Variants in RAB11FIP5 observed in about 807,000 individuals in gnomAD.
RAB11FIP5 encodes the protein rab11 family-interacting protein 5.
A neutral mutation model predicts 85.1 loss-of-function variants in RAB11FIP5; 48 were observed. The observed-to-expected ratio is 0.56, with a 90% confidence interval of 0.45 to 0.72. RAB11FIP5 has a LOEUF of 0.72. Ranked by LOEUF, RAB11FIP5 falls within the 30% of genes least tolerant of loss-of-function variation. The pLI is 0.00. For missense variants in RAB11FIP5, 1,491 were observed against 1,687.0 expected, an observed-to-expected ratio of 0.88 and a Z score of 2.04; for synonymous variants, 729 against 727.3, an observed-to-expected ratio of 1.00 and a Z score of -0.04.
In RAB11FIP5 at chr2:73,076,078, T is replaced by C. The variant is rs1161170232; in HGVS notation, c.3686A>G (p.Lys1229Arg). The C allele has an allele frequency of 1.2e-6, 2 of 1,614,050 alleles. No individual in the cohort carries two copies. The highest frequency in any genetic ancestry group is 2.7e-5 in the African/African-American group (2 of 74,948). ...GCTCCCAGATGTGACTGTTTTGAGC[T>C]TCTCCAGCCCACTGCTCAGGGCTAT... ...LSIALSSGLEKLKTVTSGSIQ... is the reference protein window; with the variant it reads ...LSIALSSGLERLKTVTSGSIQ... The change falls in exon 5 of 6, where the codon AAG (lysine) becomes AGG (arginine). Residue 1229 changes from lysine (K) to arginine (R), a missense_variant. Physicochemically the swap from Lys to Arg is conservative, Grantham distance 26 (BLOSUM62 2). Around this residue, in one of 3 missense-constraint regions of RAB11FIP5, gnomAD observed 232 missense variants for 259.1 expected, o/e 0.90. Coordinates refer to ENST00000486777, the MANE Select transcript of RAB11FIP5 (RefSeq NM_001371272.1).
At position 73,081,777 on chromosome 2, in the gene RAB11FIP5, G is replaced by C. The variant is rs1432293298; in HGVS notation, c.1569-114C>G. 5.3e-5 allele frequency: 54 copies of C among 1,027,802 alleles called. No homozygotes were observed. Among genetic ancestry groups the C allele is most frequent in the Non-Finnish European group, 6.5e-5 (52 of 802,814 alleles). The allele number at this position is 1,027,802 out of a possible 1,614,324, so 63.7% of individuals were successfully genotyped here. ...ACCAGGGGCCATAACACACACATAGGCTGGATTTACCTACTTGGGCCAGGG... is the reference window on the plus strand; with the variant it reads ...ACCAGGGGCCATAACACACACATAGCCTGGATTTACCTACTTGGGCCAGGG... On this transcript the variant is annotated intron_variant, in intron 3 of 5. Transcript: ENST00000486777. The surrounding 1 kb of genome is among the most constrained non-coding windows in gnomAD (Gnocchi z 4.2).
intron 3 of RAB11FIP5, 131 bp downstream of exon 3, chr2:73,087,919 C>T (rs1684119199): frequency 1.1e-6 from 1 of 898,244 alleles, no homozygotes; most frequent in Non-Finnish European, 1.7e-6. Context: ...CCCCACTAAA[C>T]CATGCAAAGC....
Position 73,088,990 on chromosome 2 carries a change from C to T in RAB11FIP5, c.757G>A (p.Gly253Ser). The T allele has an allele frequency of 1.9e-6, 3 of 1,614,206 alleles. No homozygotes were observed. Among genetic ancestry groups the T allele is most frequent in the Non-Finnish European group, 2.5e-6 (3 of 1,180,040 alleles). ...GCTGAGGACAGGGTGCTGTCCGAGC[C>T]CAGCGAGGTGTTGGACTGGGTCAGG... is the stretch of plus-strand genomic sequence containing the variant. ...SSLTQSNTSL[G>S]SDSTLSSASG... The change falls in exon 2 of 6, where the codon GGC becomes AGC. Residue 253 changes from glycine to serine, a missense_variant. Gly to Ser is a moderately conservative substitution (Grantham distance 56). This residue lies in a region of RAB11FIP5 where 1,211 missense variants were observed against 1,338.0 expected (regional missense o/e 0.91). Coordinates refer to ENST00000486777, the MANE Select transcript of RAB11FIP5 (RefSeq NM_001371272.1).
intron 1 of RAB11FIP5, among the ~76,000 whole-genome samples, chr2:73,093,949 C>T (rs1265643573): frequency 1.3e-5 from 2 of 152,052 alleles, no homozygotes; most frequent in Non-Finnish European, 2.9e-5. Flanking sequence ...GGCGAAACCC[C>T]GTGTCTACTA....
chr2:73,097,848 G>A (rs956422595), intron 1 of RAB11FIP5, among the ~76,000 whole-genome samples: 14 of 152,184 alleles, frequency 9.2e-5, no homozygotes, highest in African/African-American at 3.1e-4. Flanking sequence ...GATGTGGGAC[G>A]CATCCAGCTT....
In RAB11FIP5 at chr2:73,088,560, C is replaced by G; in HGVS notation, c.1058G>C (p.Arg353Pro). 1 of 1,613,904 alleles carries G rather than the reference C, an allele frequency of 6.2e-7. No individual in the cohort carries two copies. Among genetic ancestry groups the G allele is most frequent in the Non-Finnish European group, 8.5e-7 (1 of 1,180,046 alleles). ...IYNEEPQGPV[R>P]HRSSISGSLP... Reference sequence around the variant, plus strand: ...CGAGCCCGAGATGGAGCTGCGGTGCCGCACAGGGCCCTGGGGCTCCTCATT... The same window carrying G: ...CGAGCCCGAGATGGAGCTGCGGTGCGGCACAGGGCCCTGGGGCTCCTCATT... The change falls in exon 3 of 6, where the codon CGG becomes CCG. Residue 353 changes from arginine to proline, a missense_variant. This residue lies in a region of RAB11FIP5 where 1,211 missense variants were observed against 1,338.0 expected (regional missense o/e 0.91). Coordinates refer to ENST00000486777, the MANE Select transcript of RAB11FIP5 (RefSeq NM_001371272.1).
rs1187057381 is a variant in RAB11FIP5, at chr2:73,112,876, G to C, written c.-99C>G. On this transcript the variant is annotated 5_prime_UTR_variant, in exon 1 of 6. Coordinates refer to ENST00000486777, the MANE Select transcript of RAB11FIP5 (RefSeq NM_001371272.1). The stretch of plus-strand genomic sequence containing the variant: ...CAGAAGGCGGTCAGGAACCAACTCT[G>C]AGCGCCGCCGCAGCTGCGGGCTGGG... 1.5e-5 allele frequency: 17 copies of C among 1,134,132 alleles called. No homozygotes were observed. Among genetic ancestry groups the C allele is most frequent in the Non-Finnish European group, 1.9e-5 (17 of 880,024 alleles). 70.3% of individuals were successfully genotyped at this position (1,134,132 alleles called of 1,614,324 possible). A position where few individuals can be genotyped will look rare whatever the true frequency, so the allele number is the denominator to read the frequency against.
intron 1 of RAB11FIP5, among the ~76,000 whole-genome samples, chr2:73,107,947 G>A (rs1035760108): frequency 6.6e-6 from 1 of 152,190 alleles, no homozygotes; most frequent in African/African-American, 2.4e-5. Context: ...GTCTGCCCAG[G>A]CTGTCTGTGG....
chr2:73,075,537 G>C lies in RAB11FIP5; in HGVS notation c.3959C>G (p.Pro1320Arg). 1 of 1,613,960 alleles carries C rather than the reference G, an allele frequency of 6.2e-7. No homozygotes were observed. The highest frequency in any genetic ancestry group is 1.1e-5 in the South Asian group (1 of 91,080). ...ETSPTLLQIP[P>R]GPPK is the part of the protein sequence containing the mutation. ...TGAGGAAGGCTATTTGGGGGGGCCCGGGGGGATCTGCAGCAGCGTGGGTGA... is the reference window on the plus strand; with the variant it reads ...TGAGGAAGGCTATTTGGGGGGGCCCCGGGGGATCTGCAGCAGCGTGGGTGA... The change falls in exon 6 of 6, where the codon CCG becomes CGG. Residue 1320 changes from proline (P) to arginine (R), a missense_variant. This residue lies in a region of RAB11FIP5 where 232 missense variants were observed against 259.1 expected (regional missense o/e 0.90). Coordinates refer to ENST00000486777, the MANE Select transcript of RAB11FIP5 (RefSeq NM_001371272.1). This position sits in a 1 kb window ranked among gnomAD's most constrained non-coding sequence, Gnocchi z 4.6.
At position 73,081,404 on chromosome 2, in the gene RAB11FIP5, C is replaced by G; in HGVS notation, c.1828G>C (p.Glu610Gln). 1 of 1,232,452 alleles carries G rather than the reference C, an allele frequency of 8.1e-7. No individual in the cohort carries two copies. The highest frequency in any genetic ancestry group is 1.0e-6 in the Non-Finnish European group (1 of 988,190). 76.3% of individuals were successfully genotyped at this position (1,232,452 alleles called of 1,614,324 possible). The change falls in exon 4 of 6, where the codon GAG becomes CAG. Residue 610 changes from glutamate to glutamine, a missense_variant. Physicochemically the swap from Glu to Gln is conservative, Grantham distance 29 (BLOSUM62 2). This residue lies in a region of RAB11FIP5 where 1,211 missense variants were observed against 1,338.0 expected (regional missense o/e 0.91). Transcript: ENST00000486777. The surrounding 1 kb of genome is among the most constrained non-coding windows in gnomAD (Gnocchi z 4.2). ...LTSLQSNPFFEELIADIALNS... is the reference protein window; with the variant it reads ...LTSLQSNPFFQELIADIALNS... Reference sequence around the variant, plus strand: ...AGTGCTATGTCGGCTATGAGCTCCTCGAAGAAGGGGTTGCTCTGCAAAGAG... The same window carrying G: ...AGTGCTATGTCGGCTATGAGCTCCTGGAAGAAGGGGTTGCTCTGCAAAGAG...
At position 73,079,978 on chromosome 2, in the gene RAB11FIP5, G is replaced by A. The variant is rs980571484; in HGVS notation, c.3254C>T (p.Ser1085Leu). ...ACCAGAATGAATAGAAGATTCCCTC[G>A]ACCCTGGCGGGGATGCAGATGAGAG... ...PSLSSASPPG[S>L]RESSIHSGPE... is the part of the protein sequence containing the mutation. The change falls in exon 4 of 6, where the codon TCG becomes TTG. Residue 1085 changes from serine to leucine, a missense_variant. Ser to Leu is a moderately radical substitution (Grantham distance 145, BLOSUM62 -2). Coordinates refer to ENST00000486777, the MANE Select transcript of RAB11FIP5 (RefSeq NM_001371272.1). 8 of 1,232,096 alleles carry A rather than the reference G, an allele frequency of 6.5e-6. No individual in the cohort carries two copies. Among genetic ancestry groups the A allele is most frequent in the Middle Eastern group, 3.1e-4 (1 of 3,230 alleles). 76.3% of individuals were successfully genotyped at this position (1,232,096 alleles called of 1,614,324 possible). A position where few individuals can be genotyped will look rare whatever the true frequency, so the allele number is the denominator to read the frequency against.
At chr2:73,112,200 G>T (rs1684671341) in intron 1 of RAB11FIP5, 147 bp downstream of exon 1, 2 of 990,846 alleles carry the variant, frequency 2.0e-6, no homozygotes, top group African/African-American at 3.5e-5. Flanking sequence ...ACCCCGAAAT[G>T]CGAAGAACCA....
chr2:73,097,329 GC>G (rs983952056), intron 1 of RAB11FIP5, among the ~76,000 whole-genome samples: 41 of 151,812 alleles, frequency 2.7e-4, no homozygotes, highest in Non-Finnish European at 1.3e-4. Context: ...GAGCCACCAC[GC>G]CCGGCCCCCC....
chr2:73,112,416 T>G lies in RAB11FIP5; in HGVS notation c.362A>C (p.Asp121Ala). ...TTMHRSLIGV[D>A]KFLGQATVAL... ...CACCGTGGCCTGGCCCAGGAACTTG[T>G]CGACGCCGATGAGCGAGCGGTGCAT... Residue 121 changes from aspartate (D) to alanine (A), a missense_variant, in exon 1 of 6, where the codon GAC (aspartate) becomes GCC (alanine). By Grantham distance (126) the Asp-to-Ala change is moderately radical. Coordinates refer to ENST00000486777, the MANE Select transcript of RAB11FIP5 (RefSeq NM_001371272.1). The G allele has an allele frequency of 6.2e-7, 1 of 1,601,778 alleles. No homozygotes were observed.
At chr2:73,101,828 A>T (rs1684436068) in intron 1 of RAB11FIP5, among the ~76,000 whole-genome samples, 1 of 152,152 alleles carries the variant, frequency 6.6e-6, no homozygotes, top group Non-Finnish European at 1.5e-5. Context: ...CACCCCTTAA[A>T]GGCACAGGGC....
At chr2:73,109,659 G>A (rs905465401) in intron 1 of RAB11FIP5, among the ~76,000 whole-genome samples, 1 of 152,204 alleles carries the variant, frequency 6.6e-6, no homozygotes. Flanking sequence ...GACTGCAGAG[G>A]CCTCTCAAGC....
At chr2:73,101,988 T>C (rs1684438713) in intron 1 of RAB11FIP5, among the ~76,000 whole-genome samples, 1 of 152,122 alleles carries the variant, frequency 6.6e-6, no homozygotes, top group African/African-American at 2.4e-5. Context: ...TAACGGAAGA[T>C]GGTGACTGAC....
In RAB11FIP5 at chr2:73,112,403, G is replaced by T; in HGVS notation, c.375C>A (p.Gly125=). The change falls in exon 1 of 6, where the codon GGC becomes GGA. Residue 125 remains glycine (G), a synonymous_variant. Transcript: ENST00000486777. ...CCTCGTCCAGCGCCACCGTGGCCTG[G>T]CCCAGGAACTTGTCGACGCCGATGA... ...RSLIGVDKFL[G]QATVALDEVF... is the part of the protein sequence containing the mutation. 6.2e-7 allele frequency: 1 copy of T among 1,601,444 alleles called. No homozygotes were observed.
intron 3 of RAB11FIP5, among the ~76,000 whole-genome samples, chr2:73,085,675 A>T (rs1684079094): frequency 6.6e-6 from 1 of 152,120 alleles, no homozygotes; most frequent in African/African-American, 2.4e-5. Flanking sequence ...CATCAGAGGA[A>T]CAGCAGGACC....
Sources: gnomAD v4.1 joint callset for allele counts (sites outside exome capture counted in the v4.1 genomes callset) on GRCh38, gnomAD v4.1.1 for gene constraint, gnomAD v4.1.1 regional missense constraint, Gnocchi (gnomAD v3.1) non-coding constraint, MANE v1.5 for transcripts, NCBI Gene and HGNC (gene_info 2026-07-23, HGNC 2026-07-21) for gene names.